The following TLN1 variants were observed in gnomAD, a reference collection of about 807,000 sequenced individuals.
TLN1 encodes talin 1, also known as talin-1.
A neutral mutation model predicts 292.3 loss-of-function variants in TLN1; 56 were observed. The ratio of observed to expected loss-of-function variants is 0.19; its 90% CI spans 0.15 to 0.24. TLN1 has a LOEUF of 0.24. Ranked by LOEUF, TLN1 falls within the 10% of genes least tolerant of loss-of-function variation. The pLI, the probability that TLN1 is intolerant of heterozygous loss-of-function variation, is 1.00. For synonymous variants in TLN1, 1,119 were observed against 1,253.7 expected, an observed-to-expected ratio of 0.89 and a Z score of 2.27; for missense variants, 2,433 against 3,248.2, an observed-to-expected ratio of 0.75 and a Z score of 6.10.
intron 48 of TLN1, among the ~76,000 whole-genome samples, chr9:35,702,637 C>T (rs1165835159): frequency 7.2e-5 from 11 of 151,966 alleles, no homozygotes; most frequent in African/African-American, 1.5e-4. Flanking sequence ...GGACTACAGG[C>T]GCGTGCCACC....
Position 35,717,034 on chromosome 9 carries a change from C to T in TLN1, c.2458+112G>A. ...TATGGTTGTGTGGCTGGCAAGCCCACACTGTGCTGAGTTCCTTGGGGTGAA... is the reference window on the plus strand; with the variant it reads ...TATGGTTGTGTGGCTGGCAAGCCCATACTGTGCTGAGTTCCTTGGGGTGAA... On this transcript the variant is annotated intron_variant, in intron 19 of 56. Coordinates refer to ENST00000314888, the MANE Select transcript of TLN1 (RefSeq NM_006289.4). The surrounding 1 kb of genome is among the most constrained non-coding windows in gnomAD (Gnocchi z 4.7). 4 of 1,260,394 alleles carry T rather than the reference C, an allele frequency of 3.2e-6. No homozygotes were observed. The highest frequency in any genetic ancestry group is 4.4e-6 in the Non-Finnish European group (4 of 916,864). The allele number at this position is 1,260,394 out of a possible 1,614,324, so 78.1% of individuals were successfully genotyped here.
rs143522956 is a variant in TLN1, at chr9:35,710,324, G to C, written c.4326+237C>G. 1.1e-3 allele frequency among the ~76,000 whole-genome samples: 166 copies of C among 152,004 alleles called. 2 individuals are homozygous for C. Among genetic ancestry groups the C allele is most frequent in the African/African-American group, 3.8e-3 (159 of 41,450 alleles). On this transcript the variant is annotated intron_variant, in intron 33 of 56. Transcript: ENST00000314888. ...GAAAGCCAGCTGGAAAAGGCCTCACGGTTGGGCAGTGTAATCCTAACCAAA... is the reference window on the plus strand; with the variant it reads ...GAAAGCCAGCTGGAAAAGGCCTCACCGTTGGGCAGTGTAATCCTAACCAAA...
At chr9:35,701,350 C>T (rs554271460) in intron 48 of TLN1, among the ~76,000 whole-genome samples, 159 of 152,296 alleles carry the variant, frequency 1.0e-3, no homozygotes, top group African/African-American at 3.7e-3. Flanking sequence ...GATCATAGTT[C>T]ACTGCAGACT....
chr9:35,714,018 T>C lies in TLN1; in HGVS notation c.3184A>G (p.Lys1062Glu). Reference sequence around the variant, plus strand: ...GCTGCCTTCACTTCCTGTAGATCTTTCTCTAGATTCTGTACCACACTCAGT... The same window carrying C: ...GCTGCCTTCACTTCCTGTAGATCTTCCTCTAGATTCTGTACCACACTCAGT... ...SALSVVQNLE[K>E]DLQEVKAAAR... is the part of the protein sequence containing the mutation. Residue 1062 changes from lysine to glutamate, a missense_variant, in exon 25 of 57, where the codon AAA becomes GAA. Transcript: ENST00000314888. The surrounding 1 kb of genome is among the most constrained non-coding windows in gnomAD (Gnocchi z 4.6). 6.2e-7 allele frequency: 1 copy of C among 1,614,134 alleles called. No individual in the cohort carries two copies. Among genetic ancestry groups the C allele is most frequent in the Non-Finnish European group, 8.5e-7 (1 of 1,180,016 alleles).
chr9:35,729,506 G>C (rs1395170552), intron 1 of TLN1, among the ~76,000 whole-genome samples: 1 of 152,210 alleles, frequency 6.6e-6, no homozygotes, highest in East Asian at 1.9e-4. Flanking sequence ...AGGAAGCCAA[G>C]GGAGTCTTTG....
intron 1 of TLN1, among the ~76,000 whole-genome samples, chr9:35,726,340 A>G (rs910389410): frequency 6.6e-6 from 1 of 152,138 alleles, no homozygotes; most frequent in African/African-American, 2.4e-5. Context: ...CCCTACTTTC[A>G]TCCAAGTATC....
Position 35,723,834 on chromosome 9 carries a change from C to T in TLN1, c.782+118G>A, listed in dbSNP as rs148359632. ...AAAAGGGTAGCTATGTTGGTCAAAC[C>T]CTGGTACCTCGGAAGAAGAAATAGT... On this transcript the variant is annotated intron_variant, in intron 7 of 56. Transcript: ENST00000314888. 11 of 1,508,730 alleles carry T rather than the reference C, an allele frequency of 7.3e-6. No individual in the cohort carries two copies. In the Admixed American group the frequency reaches 2.3e-4, roughly 32 times the overall value. The allele number at this position is 1,508,730 out of a possible 1,614,324, so 93.5% of individuals were successfully genotyped here. A position where few individuals can be genotyped will look rare whatever the true frequency, so the allele number is the denominator to read the frequency against.
At position 35,712,092 on chromosome 9, in the gene TLN1, G is replaced by A. The variant is rs1825682544; in HGVS notation, c.3594C>T (p.Arg1198=). Residue 1198 remains arginine, a synonymous_variant, in exon 28 of 57, where the codon CGC becomes CGT. Coordinates refer to ENST00000314888, the MANE Select transcript of TLN1 (RefSeq NM_006289.4). ...VAKAVTQALN[R]CVSCLPGQRD... The stretch of plus-strand genomic sequence containing the variant: ...GCTGGCCAGGTAGGCAGCTGACACA[G>A]CGGTTCAGAGCCTGGGTCACTGCTT... 6.2e-7 allele frequency: 1 copy of A among 1,613,870 alleles called. No homozygotes were observed. Among genetic ancestry groups the A allele is most frequent in the African/African-American group, 1.3e-5 (1 of 74,936 alleles).
intron 19 of TLN1, 147 bp downstream of exon 19, chr9:35,716,999 A>G: frequency 1.2e-6 from 1 of 842,312 alleles, no homozygotes; most frequent in Non-Finnish European, 1.8e-6. Context: ...GAGAGCTTTA[A>G]TGATGAGCCT....
Position 35,714,108 on chromosome 9 carries a change from T to C in TLN1, c.3121-27A>G. 1 of 1,612,910 alleles carries C rather than the reference T, an allele frequency of 6.2e-7. No homozygotes were observed. Among genetic ancestry groups the C allele is most frequent in the African/African-American group, 1.3e-5 (1 of 75,012 alleles). On this transcript the variant is annotated intron_variant, in intron 24 of 56. Transcript: ENST00000314888. The surrounding 1 kb of genome is among the most constrained non-coding windows in gnomAD (Gnocchi z 4.6). ...TATGATAAGAAAGGGGTTTTGGGTG[T>C]AGAAGGTCCTGCTGTGTCTCACCAA...
intron 33 of TLN1, among the ~76,000 whole-genome samples, chr9:35,709,361 C>T (rs554689109): frequency 2.6e-5 from 4 of 152,252 alleles, no homozygotes; most frequent in African/African-American, 7.2e-5. Context: ...TAGAGCAAGG[C>T]GCCTATTCTG....
rs138494252 is a variant in TLN1 at position 35,713,203 on chromosome 9, A to G, written c.3345T>C (p.Asn1115=). 472 of 1,594,238 alleles carry G rather than the reference A, an allele frequency of 3.0e-4. No individual in the cohort carries two copies. The African/African-American group carries it at 5.9e-3, about 20-fold the overall frequency. ...LLGEVAQGNE[N]YAGIAARDVA... ...GGCTCTCTGCCCACATACCTGCATA[A>G]TTCTCATTGCCCTGGGCAACCTCTC... Residue 1115 remains asparagine (N), a synonymous_variant, in exon 26 of 57, where the codon AAT becomes AAC. Coordinates refer to ENST00000314888, the MANE Select transcript of TLN1 (RefSeq NM_006289.4).
rs755770682 is a variant in TLN1 at position 35,699,943 on chromosome 9, G to A, written c.6768+31C>T. On this transcript the variant is annotated intron_variant, in intron 50 of 56. Transcript: ENST00000314888. The surrounding 1 kb of genome is among the most constrained non-coding windows in gnomAD (Gnocchi z 4.0). ...AGAGGGCTGTGTATTCAGGGAGGCT[G>A]GTATGAGGAACAAGCAACGCCCTCC... 3 of 1,585,306 alleles carry A rather than the reference G, an allele frequency of 1.9e-6. No individual in the cohort carries two copies. The highest frequency in any genetic ancestry group is 1.1e-5 in the South Asian group (1 of 88,878).
chr9:35,716,591 A>G, intron 19 of TLN1, 35 bp from the exon 20 acceptor site: 1 of 1,605,876 alleles, frequency 6.2e-7, no homozygotes, highest in Non-Finnish European at 8.5e-7. Context: ...CGAGGAAGCC[A>G]GAGACACTGA....
chr9:35,714,677 T>C lies in TLN1; in HGVS notation c.2882A>G (p.Glu961Gly). 1 of 1,614,088 alleles carries C rather than the reference T, an allele frequency of 6.2e-7. No homozygotes were observed. Among genetic ancestry groups the C allele is most frequent in the South Asian group, 1.1e-5 (1 of 91,084 alleles). ...GCCCTGCACCAGCAGTGGAATCTGC[T>C]CTGCCACTGCCTGTAGGTGAAAATG... Reference protein sequence around the residue: ...LLVQSCKAVAEQIPLLVQGVR... With the variant: ...LLVQSCKAVAGQIPLLVQGVR... The change falls in exon 23 of 57, where the codon GAG (glutamate) becomes GGG (glycine). Residue 961 changes from glutamate to glycine, a missense_variant. Physicochemically the swap from Glu to Gly is moderately conservative, Grantham distance 98 (BLOSUM62 -2). Transcript: ENST00000314888. The surrounding 1 kb of genome is among the most constrained non-coding windows in gnomAD (Gnocchi z 4.6).
chr9:35,720,962 G>T (rs114379459), intron 10 of TLN1, 49 bp from the exon 11 acceptor site: 5 of 1,468,086 alleles, frequency 3.4e-6, no homozygotes, highest in Non-Finnish European at 4.8e-6. Context: ...ATCTATCCAG[G>T]ATGGAAATGG....
At position 35,721,737 on chromosome 9, in the gene TLN1, G is replaced by T. The variant is rs757259666; in HGVS notation, c.1015C>A (p.Arg339=). ...ACTTCCTTGGTCTTCTCATCCACTC[G>T]CATCACACACTCCTTGGTGATGCCC... ...LLGITKECVM[R]VDEKTKEVIQ... Residue 339 remains arginine (R), a synonymous_variant, in exon 10 of 57, where the codon CGA becomes AGA. Transcript: ENST00000314888. The T allele has an allele frequency of 6.2e-7, 1 of 1,614,010 alleles. No individual in the cohort carries two copies. The highest frequency in any genetic ancestry group is 1.7e-5 in the Admixed American group (1 of 60,024).
chr9:35,721,901 C>T (rs186199009), intron 9 of TLN1, 98 bp from the exon 10 acceptor site: 16 of 1,496,628 alleles, frequency 1.1e-5, no homozygotes, highest in Admixed American at 8.7e-5. Context: ...TTGAGGTGGC[C>T]GGGAGGGCTA....
chr9:35,704,103 C>T lies in TLN1; in HGVS notation c.6119G>A (p.Ser2040Asn). ...TKVLVQNAAG[S>N]QEKLAQAAQS... ...GGCAGCCTGCGCCAACTTCTCCTGG[C>T]TCCCAGCTGCGTTTTGCACCAGGAC... Residue 2040 changes from serine to asparagine, a missense_variant, in exon 46 of 57, where the codon AGC becomes AAC. Transcript: ENST00000314888. This position sits in a 1 kb window ranked among gnomAD's most constrained non-coding sequence, Gnocchi z 6.9. 1 of 1,613,612 alleles carries T rather than the reference C, an allele frequency of 6.2e-7. No homozygotes were observed. Among genetic ancestry groups the T allele is most frequent in the South Asian group, 1.1e-5 (1 of 91,044 alleles).
Sources: allele counts gnomAD v4.1 joint callset (sites outside exome capture counted in the v4.1 genomes callset), GRCh38; gene constraint gnomAD v4.1.1; non-coding constraint Gnocchi (gnomAD v3.1); transcripts MANE v1.5; gene names NCBI Gene and HGNC (gene_info 2026-07-23, HGNC 2026-07-21).